GLIS3: variants seen among roughly 807,000 people sequenced by gnomAD.
The protein encoded by GLIS3 is GLIS family zinc finger 3.
In GLIS3, 53 loss-of-function variants were observed where a neutral mutation model predicts 78.6. The observed-to-expected ratio is 0.67, with a 90% confidence interval of 0.54 to 0.85. GLIS3 has a LOEUF of 0.85. Among genes scored for constraint, GLIS3 ranks in the 40% least tolerant of loss-of-function variants. The pLI is 0.00. For synonymous variants in GLIS3, 684 were observed against 509.9 expected (o/e 1.34, Z -4.60); for missense variants, 1,703 against 1,231.1 (o/e 1.38, Z -5.74).
intron 2 of GLIS3, among the ~76,000 whole-genome samples, chr9:4,241,513 C>T (rs1373090999): frequency 1.3e-5 from 2 of 152,126 alleles, no homozygotes; most frequent in Admixed American, 6.5e-5. Flanking sequence ...ACCCCAACTA[C>T]ACCCCAACTA....
the GLIS3 span, among the ~76,000 whole-genome samples, chr9:4,391,144 C>T: frequency 6.6e-6 from 1 of 152,174 alleles, no homozygotes; most frequent in East Asian, 1.9e-4. Flanking sequence ...CTGTAATATT[C>T]TGCTGCCTCT....
At chr9:3,885,331 A>C (rs1822000365) in intron 7 of GLIS3, among the ~76,000 whole-genome samples, 1 of 152,164 alleles carries the variant, frequency 6.6e-6, no homozygotes, top group Non-Finnish European at 1.5e-5. Flanking sequence ...CACCAAGGGG[A>C]GGTTTACCGG....
intron 9 of GLIS3, among the ~76,000 whole-genome samples, chr9:3,849,982 C>T (rs977212701): frequency 7.9e-5 from 12 of 151,906 alleles, no homozygotes; most frequent in African/African-American, 2.4e-4. Flanking sequence ...GTTGCTGTAA[C>T]GTGATAAATG....
At chr9:4,419,393 C>A in the GLIS3 span, among the ~76,000 whole-genome samples, 1 of 152,156 alleles carries the variant, frequency 6.6e-6, no homozygotes, top group Non-Finnish European at 1.5e-5. Flanking sequence ...ATAATTCCGG[C>A]ATCTGCTCAG....
chr9:4,274,256 G>C (rs1188058848), intron 2 of GLIS3, among the ~76,000 whole-genome samples: 2 of 152,142 alleles, frequency 1.3e-5, no homozygotes, highest in African/African-American at 2.4e-5. Context: ...ATAATTTGTG[G>C]GGACCAGTGC....
chr9:4,288,843 G>T (rs2130368290), intron 1 of GLIS3, among the ~76,000 whole-genome samples: 1 of 152,236 alleles, frequency 6.6e-6, no homozygotes, highest in Non-Finnish European at 1.5e-5. Context: ...CCAATGGCAT[G>T]TAAGCTGAGC....
intron 1 of GLIS3, among the ~76,000 whole-genome samples, chr9:4,297,763 G>A (rs980724952): frequency 6.6e-6 from 1 of 152,214 alleles, no homozygotes; most frequent in African/African-American, 2.4e-5. Flanking sequence ...GAGGCACACA[G>A]AGCAGTGGTC....
intron 9 of GLIS3, among the ~76,000 whole-genome samples, chr9:3,833,441 C>T (rs541335411): frequency 3.9e-5 from 6 of 152,288 alleles, no homozygotes; most frequent in South Asian, 4.1e-4. Context: ...TGCATTCCAG[C>T]GGTTGGATTT....
At position 4,121,661 on chromosome 9, in the gene GLIS3, A is replaced by C. The variant is rs574742371; in HGVS notation, c.597-2780T>G. Among the ~76,000 whole-genome samples, 793 of 145,120 alleles carry C rather than the reference A, an allele frequency of 5.5e-3. 2 individuals carry two copies. The highest frequency in any genetic ancestry group is 0.018 in the Middle Eastern group (5 of 280). On this transcript the variant is annotated intron_variant, in intron 3 of 10. Transcript: ENST00000381971. ...CACACACACACACACACACACACAC[A>C]CCCCAAAGTTCTTAGAGAAATACAA...
chr9:4,462,535 T>C, the GLIS3 span, among the ~76,000 whole-genome samples: 52 of 151,670 alleles, frequency 3.4e-4, no homozygotes, highest in African/African-American at 8.2e-4. Flanking sequence ...GGCAGGAGCA[T>C]TGCTTGAAGC....
At chr9:4,434,418 C>CA in the GLIS3 span, among the ~76,000 whole-genome samples, 13 of 151,912 alleles carry the variant, frequency 8.6e-5, no homozygotes, top group East Asian at 3.9e-4. Flanking sequence ...TCTATGGGCT[C>CA]AAAAAAATCT....
At position 4,286,507 on chromosome 9, in the gene GLIS3, T is replaced by C. The variant is rs988514802; in HGVS notation, c.-82A>G. The C allele has an allele frequency of 9.8e-6, 15 of 1,526,472 alleles. No individual in the cohort carries two copies. In the Admixed American group the frequency reaches 1.5e-4, roughly 15 times the overall value. 94.6% of individuals were successfully genotyped at this position (1,526,472 alleles called of 1,614,324 possible). A position where few individuals can be genotyped will look rare whatever the true frequency, so the allele number is the denominator to read the frequency against. Reference sequence around the variant, plus strand: ...CAGGCAAAGTCCAATAAGTTATCCATGGTGTGGGTTATAAGCCTGTTTAAA... The same window carrying C: ...CAGGCAAAGTCCAATAAGTTATCCACGGTGTGGGTTATAAGCCTGTTTAAA... On this transcript the variant is annotated 5_prime_UTR_variant, in exon 2 of 11. An upstream start codon of the reference 5' UTR is lost. Transcript: ENST00000381971.
At chr9:4,298,465 G>A in intron 1 of GLIS3, 1 of 450,030 alleles carries the variant, frequency 2.2e-6, no homozygotes. Context: ...TCCCCGAGGT[G>A]ACTTGTCAGC....
At chr9:3,926,524 G>A (rs1012888752) in intron 6 of GLIS3, among the ~76,000 whole-genome samples, 1 of 149,554 alleles carries the variant, frequency 6.7e-6, no homozygotes, top group Admixed American at 6.7e-5. Context: ...GCCACCGCAC[G>A]CGGCCTGCAA....
intron 8 of GLIS3, among the ~76,000 whole-genome samples, chr9:3,860,904 T>A (rs991388270): frequency 1.4e-4 from 22 of 152,308 alleles, no homozygotes; most frequent in African/African-American, 5.3e-4. Flanking sequence ...ACGTATATTT[T>A]AGTAAGGGGA....
chr9:4,290,330 G>C (rs1406328403), intron 1 of GLIS3, among the ~76,000 whole-genome samples: 1 of 152,044 alleles, frequency 6.6e-6, no homozygotes. Context: ...CAAACAAACT[G>C]CTTCTGACTC....
rs372064780 is a variant in GLIS3, at chr9:3,905,125, G to A, written c.1984-6290C>T. On this transcript the variant is annotated intron_variant, in intron 6 of 10. Coordinates refer to ENST00000381971, the MANE Select transcript of GLIS3 (RefSeq NM_001042413.2). ...GTAGCTGGGACTATAGGCGCCTGCC[G>A]CCACGCCCGGTTAAATTTTTTTCTT... Among the ~76,000 whole-genome samples the A allele has an allele frequency of 7.1e-4, 104 of 145,606 alleles. No individual in the cohort carries two copies. In the East Asian group the frequency reaches 0.014, roughly 19 times the overall value.
chr9:4,306,456 A>C (rs188828335), intron 4 of GLIS3, among the ~76,000 whole-genome samples: 52 of 152,314 alleles, frequency 3.4e-4, no homozygotes, highest in African/African-American at 1.2e-3. Context: ...TAGTTTATCC[A>C]TTTGGTTGTC....
At chr9:4,383,556 C>G in the GLIS3 span, among the ~76,000 whole-genome samples, 3 of 152,148 alleles carry the variant, frequency 2.0e-5, no homozygotes, top group Non-Finnish European at 2.9e-5. Context: ...AAAGCAGTTT[C>G]TATACAAGCT....
Sources: allele counts gnomAD v4.1 joint callset (sites outside exome capture counted in the v4.1 genomes callset), GRCh38; gene constraint gnomAD v4.1.1; transcripts MANE v1.5; gene names NCBI Gene and HGNC (gene_info 2026-07-23, HGNC 2026-07-21).